The following MCC variants were observed in gnomAD, a reference collection of about 807,000 sequenced individuals.
MCC encodes the protein MCC regulator of Wnt signaling pathway, also known as colorectal mutant cancer protein.
A neutral mutation model predicts 116.2 loss-of-function variants in MCC; 90 were observed. The ratio of observed to expected loss-of-function variants is 0.77; its 90% CI spans 0.65 to 0.92. MCC has a LOEUF of 0.92. Ranked by LOEUF, MCC falls within the 40% of genes least tolerant of loss-of-function variation. The pLI, the probability that MCC is intolerant of heterozygous loss-of-function variation, is 0.00. For missense variants in MCC, 1,516 were observed against 1,312.2 expected (o/e 1.16, Z -2.40); for synonymous variants, 578 against 510.5 (o/e 1.13, Z -1.78).
At chr5:113,312,118 A>G (rs1268146310) in intron 3 of MCC, among the ~76,000 whole-genome samples, 2 of 151,992 alleles carry the variant, frequency 1.3e-5, no homozygotes, top group African/African-American at 4.8e-5. Context: ...AAAAACAAAC[A>G]AACAAAAAAT....
intron 4 of MCC, among the ~76,000 whole-genome samples, chr5:113,144,180 G>A (rs1397058144): frequency 2.0e-5 from 3 of 152,184 alleles, no homozygotes; most frequent in African/African-American, 7.2e-5. Context: ...CTCAGCATTT[G>A]ATGGACTAAG....
chr5:113,342,139 T>C (rs1248118908), intron 2 of MCC, among the ~76,000 whole-genome samples: 1 of 152,230 alleles, frequency 6.6e-6, no homozygotes, highest in Non-Finnish European at 1.5e-5. Flanking sequence ...TGGTCTCCAA[T>C]TCCATCCAGG....
chr5:113,455,987 C>T (rs1478941365), intron 1 of MCC, among the ~76,000 whole-genome samples: 5 of 152,152 alleles, frequency 3.3e-5, no homozygotes, highest in Non-Finnish European at 7.3e-5. Context: ...AATTTAATGC[C>T]TTACTCCAGA....
chr5:113,081,350 A>C (rs1021533091), intron 11 of MCC, among the ~76,000 whole-genome samples: 3 of 152,186 alleles, frequency 2.0e-5, no homozygotes, highest in African/African-American at 7.2e-5. Context: ...CTCATTTGCA[A>C]AACAGGACTA....
chr5:113,263,532 A>G (rs1299837827), intron 3 of MCC, among the ~76,000 whole-genome samples: 1 of 152,216 alleles, frequency 6.6e-6, no homozygotes, highest in Non-Finnish European at 1.5e-5. Context: ...AAATTGCTTA[A>G]AACTCTCCTA....
intron 3 of MCC, among the ~76,000 whole-genome samples, chr5:113,166,371 T>G (rs1760766253): frequency 1.3e-5 from 2 of 152,226 alleles, no homozygotes; most frequent in Non-Finnish European, 2.9e-5. Context: ...AAGTTTACAC[T>G]GACCATCATT....
intron 3 of MCC, among the ~76,000 whole-genome samples, chr5:113,316,844 G>A (rs1347036613): frequency 1.3e-5 from 2 of 152,138 alleles, no homozygotes; most frequent in African/African-American, 4.8e-5. Flanking sequence ...TTGTGTGTGT[G>A]TATGTATTTT....
At chr5:113,128,418 T>A (rs1758211460) in intron 5 of MCC, among the ~76,000 whole-genome samples, 1 of 152,380 alleles carries the variant, frequency 6.6e-6, no homozygotes, top group South Asian at 2.1e-4. Flanking sequence ...CAAAGTTTTT[T>A]GTTTTTTGTT....
chr5:113,356,422 T>C (rs1382101850), intron 2 of MCC, among the ~76,000 whole-genome samples: 1 of 148,840 alleles, frequency 6.7e-6, no homozygotes, highest in Non-Finnish European at 1.5e-5. Context: ...TTAAAATATA[T>C]ATATATATAA....
chr5:113,394,553 A>G (rs75939324), intron 1 of MCC, among the ~76,000 whole-genome samples: 4,748 of 152,240 alleles, frequency 0.031, 180 homozygotes, highest in African/African-American at 0.088. Flanking sequence ...TTTAGCTTCT[A>G]TAAACGGTCA....
At chr5:113,278,340 G>A (rs1765904535) in intron 3 of MCC, among the ~76,000 whole-genome samples, 1 of 152,116 alleles carries the variant, frequency 6.6e-6, no homozygotes, top group African/African-American at 2.4e-5. Flanking sequence ...GAATGCTGAG[G>A]GTCAGGCACT....
chr5:113,327,553 A>AT (rs1280568642), intron 3 of MCC, among the ~76,000 whole-genome samples: 1 of 81,380 alleles, frequency 1.2e-5, no homozygotes, highest in Admixed American at 1.1e-4. Context: ...CTCAAAAAAA[A>AT]AAAAAAAAAT....
intron 2 of MCC, among the ~76,000 whole-genome samples, chr5:113,357,451 G>A (rs1229674035): frequency 6.6e-6 from 1 of 152,128 alleles, no homozygotes; most frequent in Non-Finnish European, 1.5e-5. Flanking sequence ...GGCAGAAGAG[G>A]GCCCCCCACC....
At chr5:113,069,693 CGCCTCAGCCTCCT>C (rs1753895791) in intron 12 of MCC, among the ~76,000 whole-genome samples, 1 of 152,296 alleles carries the variant, frequency 6.6e-6, no homozygotes, top group African/African-American at 2.4e-5. Flanking sequence ...CTCAGCCTCC[CGCCTCAGCCTCCT>C]GAGTAGCTGG....
At chr5:113,237,421 C>T (rs1014312599) in intron 3 of MCC, among the ~76,000 whole-genome samples, 8 of 152,050 alleles carry the variant, frequency 5.3e-5, no homozygotes, top group Non-Finnish European at 1.0e-4. Flanking sequence ...AAGCAAATAC[C>T]AACTGCTTCC....
intron 14 of MCC, among the ~76,000 whole-genome samples, chr5:113,059,088 G>A (rs1344558951): frequency 6.6e-6 from 1 of 151,872 alleles, no homozygotes; most frequent in Non-Finnish European, 1.5e-5. Context: ...TGGCAGGCAG[G>A]GAAGGCTTTT....
In MCC at chr5:113,068,314, C is replaced by G. The variant is rs1021751369; in HGVS notation, c.1926-131G>C. The G allele has an allele frequency of 6.1e-6, 4 of 656,850 alleles. No homozygotes were observed. The African/African-American group carries it at 7.2e-5, about 12-fold the overall frequency. The allele number at this position is 656,850 out of a possible 1,614,324, so 40.7% of individuals were successfully genotyped here. A position where few individuals can be genotyped will look rare whatever the true frequency, so the allele number is the denominator to read the frequency against. ...ACTCTCCACACAGGCAAGGAAACCACCCATGAATATTCCCAGGGCAGGGCC... is the reference window on the plus strand; with the variant it reads ...ACTCTCCACACAGGCAAGGAAACCAGCCATGAATATTCCCAGGGCAGGGCC... On this transcript the variant is annotated intron_variant, in intron 12 of 18. Coordinates refer to ENST00000408903, the MANE Select transcript of MCC (RefSeq NM_001085377.2).
intron 3 of MCC, among the ~76,000 whole-genome samples, chr5:113,214,459 T>A (rs1199376410): frequency 6.6e-6 from 1 of 152,228 alleles, no homozygotes; most frequent in Admixed American, 6.5e-5. Flanking sequence ...GAGTAGCTTA[T>A]AGGCAAACTT....
At chr5:113,168,697 CT>C (rs1049029004) in intron 3 of MCC, among the ~76,000 whole-genome samples, 2 of 151,950 alleles carry the variant, frequency 1.3e-5, no homozygotes, top group African/African-American at 4.8e-5. Flanking sequence ...AGCAACTGTG[CT>C]TTTTTGCCAT....
Sources: gnomAD v4.1 joint callset for allele counts (sites outside exome capture counted in the v4.1 genomes callset) on GRCh38, gnomAD v4.1.1 for gene constraint, MANE v1.5 for transcripts, NCBI Gene and HGNC (gene_info 2026-07-23, HGNC 2026-07-21) for gene names.